UTRN: variants seen among roughly 807,000 people sequenced by gnomAD.
The protein encoded by UTRN is utrophin, also known as dystrophin-related protein 1.
Under a neutral mutation model 463.9 loss-of-function variants are expected in UTRN, and 283 were observed. That is an observed-to-expected ratio of 0.61 (90% CI 0.55 to 0.67). UTRN has a LOEUF of 0.67. UTRN is among the 30% of genes least tolerant of loss of function. UTRN has a pLI of 0.00. For missense variants in UTRN, 3,922 were observed against 4,084.3 expected (o/e 0.96, Z 1.08); for synonymous variants, 1,442 against 1,431.5 (o/e 1.01, Z -0.17).
chr6:144,630,697 T>C (rs1776417756), intron 51 of UTRN, among the ~76,000 whole-genome samples: 1 of 152,182 alleles, frequency 6.6e-6, no homozygotes, highest in Non-Finnish European at 1.5e-5. Context: ...ATTTATTGAA[T>C]AGAATTGAGC....
intron 52 of UTRN, among the ~76,000 whole-genome samples, chr6:144,685,662 C>A (rs1782675289): frequency 6.6e-6 from 1 of 152,096 alleles, no homozygotes; most frequent in Admixed American, 6.6e-5. Flanking sequence ...TGTATATCTT[C>A]TTTTGAGAAA....
chr6:144,799,059 G>A (rs192763094), intron 64 of UTRN, among the ~76,000 whole-genome samples: 18 of 152,290 alleles, frequency 1.2e-4, no homozygotes, highest in Middle Eastern at 3.4e-3. Context: ...TCTTTTATTC[G>A]TACCAGAAGA....
chr6:144,516,178 T>C (rs748555151), intron 37 of UTRN, 51 bp from the exon 38 acceptor site: 3 of 1,578,486 alleles, frequency 1.9e-6, no homozygotes, highest in Non-Finnish European at 2.6e-6. Context: ...TGATTAATGA[T>C]GGAAAGTCAA....
chr6:144,631,853 G>T (rs1485724021), intron 51 of UTRN, among the ~76,000 whole-genome samples: 1 of 151,310 alleles, frequency 6.6e-6, no homozygotes, highest in Non-Finnish European at 1.5e-5. Flanking sequence ...TGGAAAGAAA[G>T]AAAAAGAAGG....
chr6:144,611,052 A>G (rs2128642363), intron 51 of UTRN, among the ~76,000 whole-genome samples: 1 of 152,376 alleles, frequency 6.6e-6, no homozygotes, highest in East Asian at 1.9e-4. Context: ...GGATGGCCCA[A>G]CATATGCAAA....
Position 144,448,666 on chromosome 6 carries a change from C to T in UTRN, c.1969C>T (p.Arg657Cys), listed in dbSNP as rs770003496. 9.9e-6 allele frequency: 16 copies of T among 1,613,712 alleles called. No homozygotes were observed. The highest frequency in any genetic ancestry group is 1.3e-5 in the African/African-American group (1 of 74,838). ...IPQKDLLETV[R>C]VREQAITKKS... ...TCAGAAGGACCTTTTGGAGACTGTTCGTGTAAGAGAACAAGCAATTACAAA... is the reference window on the plus strand; with the variant it reads ...TCAGAAGGACCTTTTGGAGACTGTTTGTGTAAGAGAACAAGCAATTACAAA... Residue 657 changes from arginine to cysteine, a missense_variant, in exon 17 of 75, where the codon CGT becomes TGT. Physicochemically the swap from Arg to Cys is radical, Grantham distance 180. Coordinates refer to ENST00000367545, the MANE Select transcript of UTRN (RefSeq NM_007124.3).
rs933484194 is a variant in UTRN, at chr6:144,557,921, A to G, written c.7289+610A>G. Among the ~76,000 whole-genome samples the G allele has an allele frequency of 3.3e-5, 5 of 152,316 alleles. No individual in the cohort carries two copies. The East Asian group carries it at 7.7e-4, about 23-fold the overall frequency. Reference sequence around the variant, plus strand: ...GAACACCTAGAATTTGAGAAACTATAAACAGTGATTAGCATCTCTTTAAGA... The same window carrying G: ...GAACACCTAGAATTTGAGAAACTATGAACAGTGATTAGCATCTCTTTAAGA... On this transcript the variant is annotated intron_variant, in intron 50 of 74. Coordinates refer to ENST00000367545, the MANE Select transcript of UTRN (RefSeq NM_007124.3).
At chr6:144,540,219 AT>A (rs147842004) in intron 45 of UTRN, among the ~76,000 whole-genome samples, 15 of 149,158 alleles carry the variant, frequency 1.0e-4, no homozygotes, top group Admixed American at 1.3e-4. Flanking sequence ...TCCTACCATT[AT>A]TTTTTTTTTG....
intron 32 of UTRN, among the ~76,000 whole-genome samples, chr6:144,492,533 C>A (rs1423042591): frequency 6.6e-6 from 1 of 152,138 alleles, no homozygotes; most frequent in African/African-American, 2.4e-5. Flanking sequence ...TACTTATATA[C>A]CCAGTAATAG....
chr6:144,314,420 C>T (rs1328420148), intron 2 of UTRN, among the ~76,000 whole-genome samples: 1 of 152,218 alleles, frequency 6.6e-6, no homozygotes, highest in African/African-American at 2.4e-5. Context: ...TGTTGCTGTG[C>T]TCAGACATCG....
At chr6:144,444,498 A>G (rs183239367) in intron 14 of UTRN, 116 bp downstream of exon 14, 4 of 580,826 alleles carry the variant, frequency 6.9e-6, no homozygotes, top group African/African-American at 3.8e-5. Context: ...AAATATATAA[A>G]TAATTATTTT....
Position 144,548,829 on chromosome 6 carries a change from T to C in UTRN, c.6785T>C (p.Ile2262Thr). Reference sequence around the variant, plus strand: ...GTCACTGTTGGGGATGTAGAAGAGATCAATAAGACCGTTTCCCGAATGAAA... The same window carrying C: ...GTCACTGTTGGGGATGTAGAAGAGACCAATAAGACCGTTTCCCGAATGAAA... The part of the protein sequence containing the change: ...NIVTVGDVEE[I>T]NKTVSRMKIT... Residue 2262 changes from isoleucine (I) to threonine (T), a missense_variant, in exon 47 of 75, where the codon ATC becomes ACC. Coordinates refer to ENST00000367545, the MANE Select transcript of UTRN (RefSeq NM_007124.3). 1.2e-6 allele frequency: 2 copies of C among 1,613,926 alleles called. No individual in the cohort carries two copies. The highest frequency in any genetic ancestry group is 1.7e-6 in the Non-Finnish European group (2 of 1,179,908).
chr6:144,685,015 C>T (rs1189055602), intron 52 of UTRN, among the ~76,000 whole-genome samples: 1 of 151,694 alleles, frequency 6.6e-6, no homozygotes, highest in African/African-American at 2.4e-5. Context: ...TTTTTTTATC[C>T]CTCACTGCCT....
chr6:144,784,617 A>G (rs1776144374), intron 61 of UTRN, among the ~76,000 whole-genome samples: 1 of 152,252 alleles, frequency 6.6e-6, no homozygotes, highest in South Asian at 2.1e-4. Context: ...GACACAGTTC[A>G]GTGCATAATG....
chr6:144,700,735 CTTTG>C (rs1240911796), intron 53 of UTRN, among the ~76,000 whole-genome samples: 2 of 143,252 alleles, frequency 1.4e-5, no homozygotes, highest in Non-Finnish European at 3.0e-5. Context: ...ACCCAACTAA[CTTTG>C]TTTTTTTTTT....
At chr6:144,834,280 T>C (rs894062352) in intron 69 of UTRN, among the ~76,000 whole-genome samples, 1 of 152,178 alleles carries the variant, frequency 6.6e-6, no homozygotes, top group Non-Finnish European at 1.5e-5. Flanking sequence ...TATTTAAATA[T>C]ATATATACTC....
chr6:144,687,026 T>G (rs1225600276), intron 52 of UTRN, among the ~76,000 whole-genome samples: 2 of 152,158 alleles, frequency 1.3e-5, no homozygotes, highest in Non-Finnish European at 2.9e-5. Context: ...ATAATGACCT[T>G]TCATTTCAAG....
At chr6:144,744,401 A>G (rs1047599299) in intron 54 of UTRN, among the ~76,000 whole-genome samples, 8 of 142,412 alleles carry the variant, frequency 5.6e-5, no homozygotes, top group African/African-American at 2.0e-4. Context: ...TATAATATAT[A>G]CATAATTTTA....
At chr6:144,712,082 G>A (rs1785777948) in intron 53 of UTRN, among the ~76,000 whole-genome samples, 1 of 152,092 alleles carries the variant, frequency 6.6e-6, no homozygotes, top group Admixed American at 6.6e-5. Context: ...GTGTTAGAAG[G>A]TTGCCTACAG....
Sources: allele counts gnomAD v4.1 joint callset (sites outside exome capture counted in the v4.1 genomes callset), GRCh38; gene constraint gnomAD v4.1.1; transcripts MANE v1.5; gene names NCBI Gene and HGNC (gene_info 2026-07-23, HGNC 2026-07-21).